Variants in MEGF9 observed in about 807,000 individuals in gnomAD.
MEGF9 encodes multiple EGF like domains 9, also known as multiple epidermal growth factor-like domains protein 9.
MEGF9 carries 6 observed loss-of-function variants against 46.8 expected under a neutral mutation model. The ratio of observed to expected loss-of-function variants is 0.13; its 90% CI spans 0.07 to 0.25. The LOEUF is 0.25. Ranked by LOEUF, MEGF9 falls within the 10% of genes least tolerant of loss-of-function variation. The probability of loss-of-function intolerance (pLI) is 1.00; values close to 1 mark genes in which losing one functional copy is unlikely to be tolerated. For synonymous variants in MEGF9, 302 were observed against 330.7 expected (o/e 0.91, Z 0.94); for missense variants, 683 against 792.4 (o/e 0.86, Z 1.66).
At chr9:120,695,388 AAGGTCAGGAGTTCAAG>A (rs1455721442) in intron 1 of MEGF9, among the ~76,000 whole-genome samples, 2 of 151,926 alleles carry the variant, frequency 1.3e-5, no homozygotes, top group Non-Finnish European at 2.9e-5. Context: ...GGCAAATCAC[AAGGTCAGGAGTTCAAG>A]AGCAGCCTGG....
intron 1 of MEGF9, among the ~76,000 whole-genome samples, chr9:120,703,602 G>A (rs1388127553): frequency 6.6e-6 from 1 of 152,176 alleles, no homozygotes; most frequent in Admixed American, 6.5e-5. Context: ...AAAATGAAAG[G>A]TAACAGTGTA....
intron 1 of MEGF9, among the ~76,000 whole-genome samples, chr9:120,686,087 ATTTTTTT>A (rs939309954): frequency 2.2e-5 from 3 of 137,016 alleles, no homozygotes; most frequent in Non-Finnish European, 4.7e-5. Context: ...AGTTGAGGGA[ATTTTTTT>A]TTTTTTTTTT....
intron 1 of MEGF9, among the ~76,000 whole-genome samples, chr9:120,665,678 T>C (rs2043721864): frequency 6.6e-6 from 1 of 152,218 alleles, no homozygotes; most frequent in African/African-American, 2.4e-5. Flanking sequence ...AGTACCAATA[T>C]TCTAAAGCAG....
chr9:120,701,329 T>C (rs1232953114), intron 1 of MEGF9, among the ~76,000 whole-genome samples: 1 of 152,182 alleles, frequency 6.6e-6, no homozygotes, highest in Admixed American at 6.5e-5. Context: ...AAGACTGAAA[T>C]AAGTTTTCAG....
rs555183263 is a variant in MEGF9 at position 120,600,890 on chromosome 9, G to A, written c.*4300C>T. On this transcript the variant is annotated 3_prime_UTR_variant, in exon 6 of 6. Coordinates refer to ENST00000373930, the MANE Select transcript of MEGF9 (RefSeq NM_001080497.3). ...GTATTTGAAGACATGAAACAACTCT[G>A]ACCACACAAAAAAGTAAACAACAAA... 6.6e-6 allele frequency: 1 copy of A among 152,552 alleles called. No homozygotes were observed. The highest frequency in any genetic ancestry group is 1.9e-4 in the East Asian group (1 of 5,176). The allele number at this position is 152,552 out of a possible 1,614,324, so 9.4% of individuals were successfully genotyped here. A position where few individuals can be genotyped will look rare whatever the true frequency, so the allele number is the denominator to read the frequency against.
Position 120,607,831 on chromosome 9 carries a change from T to C in MEGF9, c.1267A>G (p.Ile423Val), listed in dbSNP as rs1165353955. 2 of 1,613,924 alleles carry C rather than the reference T, an allele frequency of 1.2e-6. No homozygotes were observed. Among genetic ancestry groups the C allele is most frequent in the Non-Finnish European group, 1.7e-6 (2 of 1,179,892 alleles). Residue 423 changes from isoleucine (I) to valine (V), a missense_variant, in exon 5 of 6, where the codon ATC becomes GTC. By Grantham distance (29) the Ile-to-Val change is conservative. Around this residue, in one of 2 missense-constraint regions of MEGF9, gnomAD observed 313 missense variants for 421.1 expected, o/e 0.74. Transcript: ENST00000373930. ...CCAGTGGTGTTATGGAGGCAGTTGA[T>C]GCACTCACCACTCTCGGGCTTACAA... ...KICKPESGEC[I>V]NCLHNTTGFW...
At chr9:120,664,889 T>C (rs1354555678) in intron 1 of MEGF9, among the ~76,000 whole-genome samples, 1 of 152,226 alleles carries the variant, frequency 6.6e-6, no homozygotes, top group Non-Finnish European at 1.5e-5. Context: ...TATTGTTAGT[T>C]GATGCACAAT....
At chr9:120,645,991 G>T (rs755755032) in intron 2 of MEGF9, among the ~76,000 whole-genome samples, 1 of 152,166 alleles carries the variant, frequency 6.6e-6, no homozygotes, top group Non-Finnish European at 1.5e-5. Context: ...TAAGCACAGG[G>T]AGAGGGTGTG....
intron 1 of MEGF9, among the ~76,000 whole-genome samples, chr9:120,689,769 C>A (rs998944600): frequency 1.3e-5 from 2 of 152,058 alleles, no homozygotes; most frequent in African/African-American, 2.4e-5. Flanking sequence ...AAATCAAAGA[C>A]CCTAATAAAT....
chr9:120,625,576 C>T (rs2043520409), intron 2 of MEGF9, among the ~76,000 whole-genome samples: 2 of 151,746 alleles, frequency 1.3e-5, no homozygotes, highest in Admixed American at 6.6e-5. Flanking sequence ...TGGCTCATGC[C>T]TGTAATCCTA....
intron 3 of MEGF9, among the ~76,000 whole-genome samples, chr9:120,619,614 C>T (rs2043489400): frequency 6.6e-6 from 1 of 152,122 alleles, no homozygotes; most frequent in South Asian, 2.1e-4. Context: ...TTACTTAATA[C>T]CCTATTGTGA....
rs573481274 is a variant in MEGF9 at position 120,668,896 on chromosome 9, A to C, written c.602-9321T>G. Among the ~76,000 whole-genome samples, 6 of 152,304 alleles carry C rather than the reference A, an allele frequency of 3.9e-5. 1 individual carries two copies. The South Asian group carries it at 1.2e-3, about 32-fold the overall frequency. On this transcript the variant is annotated intron_variant, in intron 1 of 5. Coordinates refer to ENST00000373930, the MANE Select transcript of MEGF9 (RefSeq NM_001080497.3). ...CCCAAAATGAGTAACTCCAAAGTCC[A>C]TGTCTTTTCACTTTAAGAAGCCAAC...
At chr9:120,641,644 T>C (rs145689390) in intron 2 of MEGF9, among the ~76,000 whole-genome samples, 1,629 of 152,328 alleles carry the variant, frequency 0.011, 32 homozygotes, top group African/African-American at 0.034. Flanking sequence ...GTGTTGGGCC[T>C]AGGAATTTGC....
intron 3 of MEGF9, among the ~76,000 whole-genome samples, chr9:120,619,646 T>C (rs2043489454): frequency 6.6e-6 from 1 of 152,242 alleles, no homozygotes; most frequent in Admixed American, 6.5e-5. Flanking sequence ...GCCTAACTTT[T>C]TAAAATTGTA....
intron 1 of MEGF9, among the ~76,000 whole-genome samples, chr9:120,685,998 T>A (rs745932382): frequency 6.6e-6 from 1 of 151,814 alleles, no homozygotes; most frequent in African/African-American, 2.4e-5. Context: ...ATTCCACTTA[T>A]GAAGTATCTA....
chr9:120,704,084 AG>A (rs1389829038), intron 1 of MEGF9, among the ~76,000 whole-genome samples: 1 of 152,244 alleles, frequency 6.6e-6, no homozygotes, highest in African/African-American at 2.4e-5. Context: ...CTGTAATCCC[AG>A]CACTTTGGGA....
intron 2 of MEGF9, among the ~76,000 whole-genome samples, chr9:120,656,706 C>T (rs111406188): frequency 2.0e-5 from 3 of 152,118 alleles, no homozygotes; most frequent in Non-Finnish European, 2.9e-5. Context: ...CATTATCCTG[C>T]TTCTTAAGAC....
At chr9:120,695,186 C>G (rs564859734) in intron 1 of MEGF9, among the ~76,000 whole-genome samples, 50 of 152,242 alleles carry the variant, frequency 3.3e-4, no homozygotes, top group Admixed American at 1.3e-3. Context: ...ATGCTGAACA[C>G]TATCCTATGT....
At chr9:120,672,656 C>G (rs1226863601) in intron 1 of MEGF9, among the ~76,000 whole-genome samples, 1 of 152,080 alleles carries the variant, frequency 6.6e-6, no homozygotes, top group South Asian at 2.1e-4. Context: ...TGTCTCTATT[C>G]ACAGATAACA....
Sources: allele counts gnomAD v4.1 joint callset (sites outside exome capture counted in the v4.1 genomes callset), GRCh38; gene constraint gnomAD v4.1.1; regional missense constraint gnomAD v4.1.1; transcripts MANE v1.5; gene names NCBI Gene and HGNC (gene_info 2026-07-23, HGNC 2026-07-21).